Variants in ABCA13 observed in about 807,000 individuals in gnomAD.
ABCA13 encodes the protein ATP-binding cassette sub-family A member 13.
In ABCA13, 476 loss-of-function variants were observed where a neutral mutation model predicts 478.7. The ratio of observed to expected loss-of-function variants is 0.99; its 90% CI spans 0.92 to 1.07. The LOEUF is 1.07. Among genes scored for constraint, ABCA13 ranks in the 50% least tolerant of loss-of-function variants. The pLI, the probability that ABCA13 is intolerant of heterozygous loss-of-function variation, is 0.00. For missense variants in ABCA13, 6,060 were observed against 5,910.6 expected, an observed-to-expected ratio of 1.03 and a Z score of -0.83; for synonymous variants, 2,252 against 2,158.9, an observed-to-expected ratio of 1.04 and a Z score of -1.20.
At chr7:48,577,452 A>G (rs1788289703) in intron 55 of ABCA13, among the ~76,000 whole-genome samples, 1 of 152,152 alleles carries the variant, frequency 6.6e-6, no homozygotes, top group African/African-American at 2.4e-5. Context: ...AAATATTTTG[A>G]GCAACTCTAT....
chr7:48,200,850 T>C (rs1264815501), intron 3 of ABCA13, among the ~76,000 whole-genome samples: 1 of 152,214 alleles, frequency 6.6e-6, no homozygotes, highest in Non-Finnish European at 1.5e-5. Context: ...TTGTGGTAAT[T>C]GTCTCAGTTA....
chr7:48,356,643 A>T (rs574261210), intron 31 of ABCA13, among the ~76,000 whole-genome samples: 1 of 151,868 alleles, frequency 6.6e-6, no homozygotes, highest in South Asian at 2.1e-4. Context: ...TTTATTTTTC[A>T]TGTAGTATCT....
At chr7:48,469,511 G>T (rs1433805422) in intron 44 of ABCA13, among the ~76,000 whole-genome samples, 1 of 151,904 alleles carries the variant, frequency 6.6e-6, no homozygotes, top group African/African-American at 2.4e-5. Flanking sequence ...GCATCAGTGT[G>T]CTCTCAGTTC....
At chr7:48,617,603 G>T (rs1792711967) in intron 59 of ABCA13, among the ~76,000 whole-genome samples, 1 of 152,178 alleles carries the variant, frequency 6.6e-6, no homozygotes, top group African/African-American at 2.4e-5. Context: ...TCAGAGACCA[G>T]CTCCCCTTGG....
chr7:48,386,441 C>T (rs146644588), intron 35 of ABCA13, among the ~76,000 whole-genome samples: 9 of 152,160 alleles, frequency 5.9e-5, no homozygotes, highest in Non-Finnish European at 1.3e-4. Context: ...CAATCCTGAG[C>T]GAAAAGAACA....
intron 45 of ABCA13, among the ~76,000 whole-genome samples, chr7:48,477,453 C>T (rs916604480): frequency 4.0e-5 from 6 of 151,860 alleles, no homozygotes; most frequent in Non-Finnish European, 7.4e-5. Context: ...ATGTTTATTG[C>T]AGCACTATTC....
chr7:48,374,553 C>T, intron 34 of ABCA13, 137 bp downstream of exon 34: 1 of 779,706 alleles, frequency 1.3e-6, no homozygotes, highest in Non-Finnish European at 2.0e-6. Flanking sequence ...TATTTGCTTT[C>T]ACTGTTGTAT....
chr7:48,182,733 C>A (rs895225691), intron 1 of ABCA13, among the ~76,000 whole-genome samples: 8 of 152,186 alleles, frequency 5.3e-5, no homozygotes, highest in Admixed American at 3.9e-4. Flanking sequence ...AAAAGGTTTG[C>A]AAAAATTCAC....
intron 15 of ABCA13, among the ~76,000 whole-genome samples, chr7:48,264,939 A>AT (rs2128731249): frequency 6.6e-6 from 1 of 151,752 alleles, no homozygotes; most frequent in South Asian, 2.1e-4. Context: ...TCTATAATTC[A>AT]TTTTGTGTTA....
At position 48,219,391 on chromosome 7, in the gene ABCA13, G is replaced by A; in HGVS notation, c.325G>A (p.Val109Ile). Residue 109 changes from valine to isoleucine, a missense_variant, in exon 4 of 62, where the codon GTC becomes ATC. Physicochemically the swap from Val to Ile is conservative, Grantham distance 29. This residue lies in a region of ABCA13 where 4,423 missense variants were observed against 4,309.1 expected (regional missense o/e 1.03). Transcript: ENST00000435803. ...CCAAACTGCAGCTGACCCCAAGAAA[G>A]TCAACAACCTGGCCTTTTTAAAAGA... Reference protein sequence around the residue: ...RFQTAADPKKVNNLAFLKEIQ... With the variant: ...RFQTAADPKKINNLAFLKEIQ... 1 of 1,612,874 alleles carries A rather than the reference G, an allele frequency of 6.2e-7. No homozygotes were observed. Among genetic ancestry groups the A allele is most frequent in the Non-Finnish European group, 8.5e-7 (1 of 1,179,510 alleles).
chr7:48,595,690 C>T (rs1036973740), intron 58 of ABCA13, among the ~76,000 whole-genome samples: 15 of 152,164 alleles, frequency 9.9e-5, no homozygotes, highest in African/African-American at 3.4e-4. Context: ...GATGCCTGCA[C>T]ACAGAGGAGA....
chr7:48,500,772 C>A (rs961014317), intron 48 of ABCA13, among the ~76,000 whole-genome samples: 1 of 152,168 alleles, frequency 6.6e-6, no homozygotes, highest in Non-Finnish European at 1.5e-5. Context: ...ACTTTCCTTG[C>A]ACTCCAGCCC....
chr7:48,259,739 C>T (rs562512468), intron 15 of ABCA13, among the ~76,000 whole-genome samples: 1 of 151,560 alleles, frequency 6.6e-6, no homozygotes, highest in Admixed American at 6.6e-5. Context: ...TTGTGGCGCC[C>T]AGTAACTGTC....
In ABCA13 at chr7:48,317,311, A is replaced by G; in HGVS notation, c.9999+15A>G. 2 of 1,609,832 alleles carry G rather than the reference A, an allele frequency of 1.2e-6. No individual in the cohort carries two copies. Among genetic ancestry groups the G allele is most frequent in the South Asian group, 1.1e-5 (1 of 90,494 alleles). Reference sequence around the variant, plus strand: ...TCATTCAAAAGGTAAGTTAAAATAAATGAGAATCATATAGACCATACATAC... The same window carrying G: ...TCATTCAAAAGGTAAGTTAAAATAAGTGAGAATCATATAGACCATACATAC... On this transcript the variant is annotated intron_variant, in intron 27 of 61. Coordinates refer to ENST00000435803, the MANE Select transcript of ABCA13 (RefSeq NM_152701.5).
At chr7:48,308,391 T>C (rs1263962631) in intron 23 of ABCA13, among the ~76,000 whole-genome samples, 1 of 152,196 alleles carries the variant, frequency 6.6e-6, no homozygotes, top group Non-Finnish European at 1.5e-5. Context: ...TCTAAAATAA[T>C]GATAATATAG....
chr7:48,540,674 A>G (rs1309888620), intron 55 of ABCA13, among the ~76,000 whole-genome samples: 1 of 152,056 alleles, frequency 6.6e-6, no homozygotes, highest in Non-Finnish European at 1.5e-5. Context: ...CTTTGAGGTT[A>G]TATTATCTAA....
At chr7:48,228,105 C>T (rs772441547) in intron 6 of ABCA13, among the ~76,000 whole-genome samples, 2 of 152,164 alleles carry the variant, frequency 1.3e-5, no homozygotes, top group Non-Finnish European at 2.9e-5. Context: ...TATTATTTTT[C>T]ATTAGCAAAG....
Position 48,580,272 on chromosome 7 carries a change from C to T in ABCA13, c.14403C>T (p.Gly4801=), listed in dbSNP as rs756893453. 1 of 1,611,758 alleles carries T rather than the reference C, an allele frequency of 6.2e-7. No individual in the cohort carries two copies. The highest frequency in any genetic ancestry group is 8.5e-7 in the Non-Finnish European group (1 of 1,179,032). The change falls in exon 56 of 62, where the codon GGC becomes GGT. Residue 4801 remains glycine, a synonymous_variant. Coordinates refer to ENST00000435803, the MANE Select transcript of ABCA13 (RefSeq NM_152701.5). ...SSAGTAGVLI[G]YCPQQDALDE... is the part of the protein sequence containing the mutation. The stretch of plus-strand genomic sequence containing the variant: ...CTGGCACGGCAGGCGTGCTCATTGG[C>T]TACTGTCCCCAGCAGGATGCCCTGG...
At chr7:48,339,054 C>T (rs979069472) in intron 29 of ABCA13, among the ~76,000 whole-genome samples, 16 of 152,146 alleles carry the variant, frequency 1.1e-4, no homozygotes, top group Non-Finnish European at 4.4e-5. Context: ...GCGATCAGGG[C>T]CCTGCCAGAG....
Sources: allele counts gnomAD v4.1 joint callset (sites outside exome capture counted in the v4.1 genomes callset), GRCh38; gene constraint gnomAD v4.1.1; regional missense constraint gnomAD v4.1.1; transcripts MANE v1.5; gene names NCBI Gene and HGNC (gene_info 2026-07-23, HGNC 2026-07-21).